Variants in MCM9 observed in about 807,000 individuals in gnomAD.
The protein encoded by MCM9 is minichromosome maintenance 9 homologous recombination repair factor.
Under a neutral mutation model 72.8 loss-of-function variants are expected in MCM9, and 55 were observed. The ratio of observed to expected loss-of-function variants is 0.76; its 90% CI spans 0.61 to 0.95. The LOEUF is 0.95. Among genes scored for constraint, MCM9 ranks in the 40% least tolerant of loss-of-function variants. MCM9 has a pLI of 0.00. For synonymous variants in MCM9, 480 were observed against 503.4 expected, an observed-to-expected ratio of 0.95 and a Z score of 0.62; for missense variants, 1,279 against 1,377.0, an observed-to-expected ratio of 0.93 and a Z score of 1.13.
In MCM9 at chr6:118,816,290, G is replaced by A; in HGVS notation, c.1966C>T (p.Gln656Ter). The change falls in exon 14 of 14, where the codon CAG becomes TAG. Residue 656 changes from glutamine to a stop codon, truncating the protein, a stop_gained. Coordinates refer to ENST00000619706, the MANE Select transcript of MCM9 (RefSeq NM_017696.3). LOFTEE classifies it low-confidence loss of function (END_TRUNC). ...TGGGATTGGTGCACACTCTGATTCT[G>A]TAACCTGTAGCAAAGACAAATAAAT... ...SEELRRLERL[Q>*]NQSVHQSQPR... The A allele has an allele frequency of 6.6e-7, 1 of 1,520,958 alleles. No individual in the cohort carries two copies. The highest frequency in any genetic ancestry group is 8.8e-7 in the Non-Finnish European group (1 of 1,131,816). 94.2% of individuals were successfully genotyped at this position (1,520,958 alleles called of 1,614,324 possible).
At chr6:118,911,203 T>G in intron 8 of MCM9, 7 of 985,746 alleles carry the variant, frequency 7.1e-6, no homozygotes, top group Non-Finnish European at 8.4e-6. Context: ...TTTCCAAATA[T>G]TAATAAACAT....
At position 118,911,696 on chromosome 6, in the gene MCM9, A is replaced by G; in HGVS notation, c.1104T>C (p.Ile368=). The change falls in exon 8 of 14, where the codon ATT becomes ATC. Residue 368 remains isoleucine (I), a synonymous_variant. Transcript: ENST00000619706. ...KSQFLKYAAK[I]TPRSVLTTGI... is the part of the protein sequence containing the mutation. ...CTGTGGTCAGCACAGATCTTGGTGTAATCTTTGCTGCATATTTGAGGAACT... is the reference window on the plus strand; with the variant it reads ...CTGTGGTCAGCACAGATCTTGGTGTGATCTTTGCTGCATATTTGAGGAACT... 1 of 1,613,778 alleles carries G rather than the reference A, an allele frequency of 6.2e-7. No individual in the cohort carries two copies. The highest frequency in any genetic ancestry group is 8.5e-7 in the Non-Finnish European group (1 of 1,179,832).
At chr6:118,907,191 G>T (rs888025969) in intron 8 of MCM9, among the ~76,000 whole-genome samples, 10 of 152,090 alleles carry the variant, frequency 6.6e-5, no homozygotes. Flanking sequence ...TCCGTATCTT[G>T]TTTCTGTTAA....
chr6:118,895,348 A>T (rs1160347039), intron 8 of MCM9, among the ~76,000 whole-genome samples: 1 of 152,206 alleles, frequency 6.6e-6, no homozygotes, highest in Non-Finnish European at 1.5e-5. Context: ...AGCTAATTTC[A>T]GGAAGAGAAA....
chr6:118,826,930 C>T (rs1774206557), intron 11 of MCM9, 66 bp from the exon 12 acceptor site: 1 of 1,234,224 alleles, frequency 8.1e-7, no homozygotes, highest in African/African-American at 1.5e-5. Context: ...TCTCTAACTT[C>T]CTCCTCCTCA....
intron 2 of MCM9, 70 bp downstream of exon 2, chr6:118,932,537 G>T: frequency 1.2e-6 from 1 of 856,908 alleles, no homozygotes. Flanking sequence ...TCATTCTTTC[G>T]TGTGCTCTCT....
chr6:118,838,381 G>C (rs957573668), intron 9 of MCM9, among the ~76,000 whole-genome samples: 1 of 150,482 alleles, frequency 6.6e-6, no homozygotes, highest in African/African-American at 2.5e-5. Context: ...GGATGGTCTT[G>C]ATCTCCTGAC....
At chr6:118,929,365 T>C (rs202187573) in intron 3 of MCM9, among the ~76,000 whole-genome samples, 34 of 152,362 alleles carry the variant, frequency 2.2e-4, no homozygotes, top group African/African-American at 8.2e-4. Flanking sequence ...ACTATATAGC[T>C]GTCTGCCATA....
intron 9 of MCM9, among the ~76,000 whole-genome samples, chr6:118,854,943 A>T (rs958196017): frequency 6.6e-6 from 1 of 152,194 alleles, no homozygotes; most frequent in Non-Finnish European, 1.5e-5. Context: ...CATTTTTAAT[A>T]ATTATTTTTT....
rs1378043575 is a variant in MCM9 at position 118,843,657 on chromosome 6, T to TATACAC, written c.1325+12713_1325+12714insGTGTAT. ...AAAACAAAACATATATATATATATG[T>TATACAC]GTATATATATATGTATGTATATATA... is the stretch of plus-strand genomic sequence containing the variant. On this transcript the variant is annotated intron_variant, in intron 9 of 13. Transcript: ENST00000619706. Among the ~76,000 whole-genome samples the TATACAC allele has an allele frequency of 4.2e-3, 142 of 33,842 alleles. 7 individuals are homozygous for TATACAC. Among genetic ancestry groups the TATACAC allele is most frequent in the Non-Finnish European group, 6.3e-3 (106 of 16,792 alleles). The allele number at this position is 33,842 out of a possible 152,430, so 22.2% of individuals were successfully genotyped here.
chr6:118,854,880 A>C (rs1024141051), intron 9 of MCM9, among the ~76,000 whole-genome samples: 5 of 152,138 alleles, frequency 3.3e-5, no homozygotes, highest in African/African-American at 1.2e-4. Context: ...CTTTTTATAT[A>C]GTATTGGATT....
chr6:118,816,132 G>C lies in MCM9; in HGVS notation c.2124C>G (p.Pro708=), dbSNP rs190219997. ...STHIFSPGGS[P]EGSPVLDPPP... is the part of the protein sequence containing the mutation. ...GGGGATCTAGAACTGGGCTTCCCTC[G>C]GGGCTGCCTCCAGGAGAGAAGATAT... Residue 708 remains proline (P), a synonymous_variant, in exon 14 of 14, where the codon CCC becomes CCG. Coordinates refer to ENST00000619706, the MANE Select transcript of MCM9 (RefSeq NM_017696.3). 2.6e-6 allele frequency: 4 copies of C among 1,550,202 alleles called. No homozygotes were observed. Among genetic ancestry groups the C allele is most frequent in the Non-Finnish European group, 3.5e-6 (4 of 1,146,896 alleles).
intron 8 of MCM9, among the ~76,000 whole-genome samples, chr6:118,868,002 G>C (rs1426618974): frequency 6.7e-6 from 1 of 149,846 alleles, no homozygotes; most frequent in African/African-American, 2.4e-5. Flanking sequence ...TCAGCCTCCA[G>C]AGTAGTTGGG....
intron 9 of MCM9, among the ~76,000 whole-genome samples, chr6:118,841,833 G>C (rs930579928): frequency 8.2e-5 from 12 of 145,512 alleles, no homozygotes; most frequent in African/African-American, 3.1e-4. Context: ...GAGCTATCTT[G>C]CCTTTTTTTT....
At chr6:118,903,133 A>AGAACCAATTTACTGAAGG (rs1239946368) in intron 8 of MCM9, among the ~76,000 whole-genome samples, 2 of 152,254 alleles carry the variant, frequency 1.3e-5, no homozygotes, top group Admixed American at 1.3e-4. Flanking sequence ...AAACATGCCT[A>AGAACCAATTTACTGAAGG]GAACCAATTT....
At chr6:118,910,107 ACT>A (rs935024160) in intron 8 of MCM9, among the ~76,000 whole-genome samples, 1 of 114,412 alleles carries the variant, frequency 8.7e-6, no homozygotes, top group African/African-American at 3.7e-5. Flanking sequence ...ACAGCACTAG[ACT>A]CTATCTCAAA....
At chr6:118,867,997 C>G (rs1188996588) in intron 8 of MCM9, among the ~76,000 whole-genome samples, 1 of 151,396 alleles carries the variant, frequency 6.6e-6, no homozygotes, top group Non-Finnish European at 1.5e-5. Flanking sequence ...CTTCCTCAGC[C>G]TCCAGAGTAG....
chr6:118,915,018 G>A (rs1017388176), intron 6 of MCM9, among the ~76,000 whole-genome samples: 2 of 152,160 alleles, frequency 1.3e-5, no homozygotes, highest in Non-Finnish European at 2.9e-5. Flanking sequence ...CATATAGTGG[G>A]AACTACTTAA....
intron 8 of MCM9, among the ~76,000 whole-genome samples, chr6:118,891,386 T>C (rs1778931380): frequency 6.6e-6 from 1 of 152,328 alleles, no homozygotes; most frequent in South Asian, 2.1e-4. Context: ...ATTAGGTTGT[T>C]AGAGCTGCCA....
Sources: gnomAD v4.1 joint callset for allele counts (sites outside exome capture counted in the v4.1 genomes callset) on GRCh38, gnomAD v4.1.1 for gene constraint, MANE v1.5 for transcripts, NCBI Gene and HGNC (gene_info 2026-07-23, HGNC 2026-07-21) for gene names.